IL7: variants seen among roughly 807,000 people sequenced by gnomAD.
IL7 encodes interleukin-7.
A neutral mutation model predicts 21.6 loss-of-function variants in IL7; 3 were observed. The ratio of observed to expected loss-of-function variants is 0.14; its 90% confidence interval spans 0.06 to 0.36. The LOEUF (loss-of-function observed/expected upper bound fraction) is 0.36. Among genes scored for constraint, IL7 ranks in the 10% least tolerant of loss-of-function variants. The pLI, the probability that IL7 is intolerant of heterozygous loss-of-function variation, is 1.00. For missense variants in IL7, 175 were observed against 200.2 expected (o/e 0.87, Z 0.76); for synonymous variants, 62 against 68.1 (o/e 0.91, Z 0.44).
At chr8:78,694,562 A>T (rs1810335569) in intron 3 of IL7, among the ~76,000 whole-genome samples, 2 of 152,138 alleles carry the variant, frequency 1.3e-5, no homozygotes, top group Non-Finnish European at 2.9e-5. Flanking sequence ...TTACAATTCC[A>T]TATGGTTTGG....
At chr8:78,755,150 A>G (rs1812307110) in intron 2 of IL7, among the ~76,000 whole-genome samples, 2 of 151,764 alleles carry the variant, frequency 1.3e-5, no homozygotes, top group Admixed American at 1.3e-4. Context: ...AAATACATTG[A>G]TTTATTTCTG....
chr8:78,678,931 A>G lies in IL7; in HGVS notation n.274-2827T>C, dbSNP rs143833246. ...GGTGCTGTTTCAAACTCCATCAATTACAGTGAGATTTTTATAGCATTGGAG... is the reference window on the plus strand; with the variant it reads ...GGTGCTGTTTCAAACTCCATCAATTGCAGTGAGATTTTTATAGCATTGGAG... On this transcript the variant is annotated intron_variant and non_coding_transcript_variant, in intron 4 of 4. Transcript: ENST00000523959. The G allele has an allele frequency of 1.0e-3, 242 of 236,388 alleles. 2 individuals carry two copies. The highest frequency in any genetic ancestry group is 5.1e-3 in the African/African-American group (229 of 44,898). The allele number at this position is 236,388 out of a possible 1,614,324, so 14.6% of individuals were successfully genotyped here.
intron 2 of IL7, among the ~76,000 whole-genome samples, chr8:78,755,441 AT>A (rs1408279001): frequency 6.6e-6 from 1 of 151,862 alleles, no homozygotes; most frequent in African/African-American, 2.4e-5. Context: ...AACAATATTA[AT>A]TTTTCCAATC....
chr8:78,798,140 A>T lies in IL7; in HGVS notation c.79T>A (p.Cys27Ser), dbSNP rs761646272. 2 of 1,611,502 alleles carry T rather than the reference A, an allele frequency of 1.2e-6. No homozygotes were observed. The highest frequency in any genetic ancestry group is 1.1e-5 in the South Asian group (1 of 90,964). The stretch of plus-strand genomic sequence containing the variant: ...TTGCCATCTTTACCTTCAATATCAC[A>T]ATCAGATGATGCTACTGGCAACAGA... The part of the protein sequence containing the change: ...LVLLPVASSD[C>S]DIEGKDGKQY... Residue 27 changes from cysteine to serine, a missense_variant, in exon 2 of 6, where the codon TGT becomes AGT. Physicochemically the swap from Cys to Ser is moderately radical, Grantham distance 112. Coordinates refer to ENST00000263851, the MANE Select transcript of IL7 (RefSeq NM_000880.4).
intron 3 of IL7, among the ~76,000 whole-genome samples, chr8:78,700,330 G>T (rs1290423901): frequency 2.0e-5 from 3 of 151,424 alleles, no homozygotes; most frequent in African/African-American, 7.3e-5. Flanking sequence ...TTTTTTTCTT[G>T]TAAGTTTCTT....
chr8:78,804,127 C>T (rs1438208395), intron 1 of IL7, among the ~76,000 whole-genome samples: 2 of 152,112 alleles, frequency 1.3e-5, no homozygotes, highest in African/African-American at 2.4e-5. Context: ...CCATCCGAAT[C>T]CAACCCTCCT....
At chr8:78,702,716 A>G (rs557642874) in intron 3 of IL7, among the ~76,000 whole-genome samples, 1 of 152,126 alleles carries the variant, frequency 6.6e-6, no homozygotes, top group Non-Finnish European at 1.5e-5. Flanking sequence ...TTCATTATTT[A>G]TCCAAAAATC....
At chr8:78,695,708 G>T (rs117243187) in intron 3 of IL7, among the ~76,000 whole-genome samples, 2,071 of 152,018 alleles carry the variant, frequency 0.014, 26 homozygotes, top group South Asian at 0.031. Flanking sequence ...CACCTCTAAG[G>T]TTTTAAAAAA....
intron 3 of IL7, among the ~76,000 whole-genome samples, chr8:78,703,432 A>G (rs930001855): frequency 2.0e-5 from 3 of 152,080 alleles, no homozygotes; most frequent in African/African-American, 7.2e-5. Context: ...GGTCTCTAAG[A>G]ACTTGGTTTA....
At chr8:78,705,775 A>G (rs1168108491) in intron 3 of IL7, among the ~76,000 whole-genome samples, 1 of 152,106 alleles carries the variant, frequency 6.6e-6, no homozygotes, top group Non-Finnish European at 1.5e-5. Context: ...GAACACCTGC[A>G]GGGCTGGCTG....
chr8:78,739,829 T>C (rs1280728951), intron 3 of IL7, among the ~76,000 whole-genome samples, 173 bp downstream of exon 3: 1 of 152,152 alleles, frequency 6.6e-6, no homozygotes, highest in Non-Finnish European at 1.5e-5. Flanking sequence ...AGCACAGGAC[T>C]ATTTGTAAAA....
At chr8:78,736,049 CTA>C (rs1201848143) in intron 5 of IL7, among the ~76,000 whole-genome samples, 11 of 150,876 alleles carry the variant, frequency 7.3e-5, no homozygotes, top group Non-Finnish European at 1.3e-4. Context: ...ACTGTACAAT[CTA>C]CACTAATAAA....
intron 4 of IL7, among the ~76,000 whole-genome samples, chr8:78,683,841 A>G (rs1341544882): frequency 2.6e-5 from 4 of 152,126 alleles, no homozygotes; most frequent in African/African-American, 4.8e-5. Context: ...TCCACCAGAA[A>G]CCTTAAATCA....
intron 3 of IL7, among the ~76,000 whole-genome samples, chr8:78,702,203 G>A (rs10089216): frequency 0.65 from 98,580 of 151,920 alleles, 33,830 homozygotes; most frequent in East Asian, 0.9. Context: ...TCTTGGGAGG[G>A]TGTAGGTGTC....
chr8:78,687,460 AAT>A (rs1396660182), intron 3 of IL7, among the ~76,000 whole-genome samples: 2 of 145,962 alleles, frequency 1.4e-5, no homozygotes, highest in African/African-American at 5.0e-5. Flanking sequence ...ATATATACAT[AAT>A]TATATATATA....
At chr8:78,775,815 A>G (rs1813117304) in intron 2 of IL7, among the ~76,000 whole-genome samples, 1 of 152,042 alleles carries the variant, frequency 6.6e-6, no homozygotes, top group Non-Finnish European at 1.5e-5. Flanking sequence ...AAGTAAGCGT[A>G]AGGATGATAC....
chr8:78,750,229 A>AG (rs952343455), intron 2 of IL7, among the ~76,000 whole-genome samples: 1 of 151,972 alleles, frequency 6.6e-6, no homozygotes, highest in Admixed American at 6.6e-5. Flanking sequence ...CCACCTAAGG[A>AG]GGGGAAAAAA....
At chr8:78,804,875 G>T (rs767264278) in intron 1 of IL7, 38 bp downstream of exon 1, 3 of 1,611,836 alleles carry the variant, frequency 1.9e-6, no homozygotes, top group African/African-American at 2.7e-5. Context: ...CGGCGCGTCG[G>T]GCGCGCGAAC....
At chr8:78,675,818 G>T (rs1194178239) in exon 5 of IL7, 1 of 1,609,960 alleles carries the variant, frequency 6.2e-7, no homozygotes, top group South Asian at 1.1e-5. Flanking sequence ...TTGGAGAATT[G>T]TTACCTTGCA....
Sources: gnomAD v4.1 joint callset for allele counts (sites outside exome capture counted in the v4.1 genomes callset) on GRCh38, gnomAD v4.1.1 for gene constraint, MANE v1.5 for transcripts, NCBI Gene and HGNC (gene_info 2026-07-23, HGNC 2026-07-21) for gene names.